BCAS3: variants seen among roughly 807,000 people sequenced by gnomAD.
The protein encoded by BCAS3 is BCAS4/BCAS3 fusion.
Under a neutral mutation model 116.1 loss-of-function variants are expected in BCAS3, and 53 were observed. That is an observed-to-expected ratio of 0.46 (90% CI 0.37 to 0.57). The LOEUF is 0.57. Ranked by LOEUF, BCAS3 falls within the 20% of genes least tolerant of loss-of-function variation. The pLI is 0.00. For missense variants in BCAS3, 917 were observed against 1,165.4 expected (o/e 0.79, Z 3.10); for synonymous variants, 391 against 408.2 (o/e 0.96, Z 0.51).
chr17:60,707,181 C>T (rs2037270642), intron 4 of BCAS3, among the ~76,000 whole-genome samples: 1 of 151,890 alleles, frequency 6.6e-6, no homozygotes, highest in East Asian at 1.9e-4. Flanking sequence ...TCAGTAGAGA[C>T]CGGGTTTCTC....
At chr17:60,701,914 CA>C (rs2036464987) in intron 4 of BCAS3, among the ~76,000 whole-genome samples, 2 of 151,908 alleles carry the variant, frequency 1.3e-5, no homozygotes, top group Admixed American at 6.6e-5. Flanking sequence ...GTGGAGGTTG[CA>C]GTGAGCCAAG....
At chr17:60,692,578 T>C (rs1568027266) in intron 4 of BCAS3, among the ~76,000 whole-genome samples, 1 of 149,344 alleles carries the variant, frequency 6.7e-6, no homozygotes, top group Non-Finnish European at 1.5e-5. Context: ...ATGTTGAATA[T>C]TGAAACAGGA....
chr17:60,910,200 A>G (rs1042035499), intron 11 of BCAS3, among the ~76,000 whole-genome samples: 1 of 152,236 alleles, frequency 6.6e-6, no homozygotes. Flanking sequence ...AGATGTATAC[A>G]TTAAGAGGAG....
At position 61,145,960 on chromosome 17, in the gene BCAS3, A is replaced by G. The variant is rs2077179619; in HGVS notation, c.2425+61396A>G. Among the ~76,000 whole-genome samples, 2 of 151,964 alleles carry G rather than the reference A, an allele frequency of 1.3e-5. No individual in the cohort carries two copies. The highest frequency in any genetic ancestry group is 4.1e-4 in the South Asian group (2 of 4,830). ...TTCCAAGATACTCCTGGAATCTGAG[A>G]TTACCTTTTATCCTCTTGATGGACC... On this transcript the variant is annotated intron_variant, in intron 22 of 23. Coordinates refer to ENST00000407086, the MANE Select transcript of BCAS3 (RefSeq NM_017679.5). This position sits in a 1 kb window ranked among gnomAD's most constrained non-coding sequence, Gnocchi z 5.0.
In BCAS3 at chr17:61,278,573, G is replaced by T. The variant is rs182913099; in HGVS notation, c.2426-89754G>T. Among the ~76,000 whole-genome samples, 1 of 152,318 alleles carries T rather than the reference G, an allele frequency of 6.6e-6. No homozygotes were observed. The highest frequency in any genetic ancestry group is 6.5e-5 in the Admixed American group (1 of 15,302). Reference sequence around the variant, plus strand: ...GTGGCATTATTCACTATAGCCCAAAGATGCCAGCACCCTAAGTATTCCAAC... The same window carrying T: ...GTGGCATTATTCACTATAGCCCAAATATGCCAGCACCCTAAGTATTCCAAC... On this transcript the variant is annotated intron_variant, in intron 22 of 23. Transcript: ENST00000407086. The surrounding 1 kb of genome is among the most constrained non-coding windows in gnomAD (Gnocchi z 5.8).
intron 22 of BCAS3, among the ~76,000 whole-genome samples, chr17:61,272,290 T>G (rs1291004046): frequency 6.6e-6 from 1 of 152,132 alleles, no homozygotes; most frequent in East Asian, 1.9e-4. Context: ...AATACTAGGT[T>G]GTTTTTTAGG....
chr17:61,042,376 G>C (rs1399297115), intron 19 of BCAS3, among the ~76,000 whole-genome samples: 4 of 151,928 alleles, frequency 2.6e-5, no homozygotes, highest in African/African-American at 9.7e-5. Context: ...TAGGGGAAAA[G>C]ATATAGCTAT....
At chr17:60,726,256 A>G (rs2039842712) in intron 5 of BCAS3, among the ~76,000 whole-genome samples, 1 of 135,228 alleles carries the variant, frequency 7.4e-6, no homozygotes, top group Admixed American at 7.8e-5. Context: ...GCTGGAGTGC[A>G]GTGGCACGAT....
At chr17:61,237,398 C>T (rs1486034925) in intron 22 of BCAS3, among the ~76,000 whole-genome samples, 1 of 152,184 alleles carries the variant, frequency 6.6e-6, no homozygotes, top group African/African-American at 2.4e-5. Flanking sequence ...TCTGATAGGA[C>T]AGAAACGGAA....
At chr17:60,868,730 C>A in intron 8 of BCAS3, 47 bp downstream of exon 8, 1 of 1,207,622 alleles carries the variant, frequency 8.3e-7, no homozygotes, top group Non-Finnish European at 1.2e-6. Flanking sequence ...GAAACATGCT[C>A]TCCTGGGCAT....
intron 22 of BCAS3, among the ~76,000 whole-genome samples, chr17:61,284,311 T>G (rs1349925403): frequency 6.6e-6 from 1 of 152,172 alleles, no homozygotes; most frequent in Non-Finnish European, 1.5e-5. Flanking sequence ...CAATAAATCT[T>G]GCTGCTGCTC....
intron 22 of BCAS3, among the ~76,000 whole-genome samples, chr17:61,331,668 A>G (rs2143118350): frequency 6.6e-6 from 1 of 152,284 alleles, no homozygotes; most frequent in Non-Finnish European, 1.5e-5. Flanking sequence ...AAATGGAAGG[A>G]AAAAAAGAAA....
intron 22 of BCAS3, among the ~76,000 whole-genome samples, chr17:61,297,920 G>A (rs544252573): frequency 6.6e-6 from 1 of 152,190 alleles, no homozygotes; most frequent in African/African-American, 2.4e-5. Context: ...AGTATCAAAC[G>A]ACTACCAATT....
At chr17:60,789,624 G>A (rs1221351956) in intron 6 of BCAS3, among the ~76,000 whole-genome samples, 1 of 152,088 alleles carries the variant, frequency 6.6e-6, no homozygotes, top group Non-Finnish European at 1.5e-5. Flanking sequence ...CAATCATCAT[G>A]GTACATTCTG....
chr17:61,234,983 G>A (rs1414769989), intron 22 of BCAS3, among the ~76,000 whole-genome samples: 1 of 152,072 alleles, frequency 6.6e-6, no homozygotes, highest in African/African-American at 2.4e-5. Context: ...CACCTCCTGG[G>A]TTCAAGCAAT....
At chr17:61,236,600 G>GT (rs2083082266) in intron 22 of BCAS3, among the ~76,000 whole-genome samples, 1 of 152,184 alleles carries the variant, frequency 6.6e-6, no homozygotes, top group African/African-American at 2.4e-5. Flanking sequence ...GATTACAGGC[G>GT]TGAGCCACCG....
At chr17:60,938,669 A>C (rs1189604631) in intron 13 of BCAS3, among the ~76,000 whole-genome samples, 1 of 152,174 alleles carries the variant, frequency 6.6e-6, no homozygotes, top group Non-Finnish European at 1.5e-5. Context: ...AATGTTAAAT[A>C]GTGAAAAGCC....
In BCAS3 at chr17:61,199,309, T is replaced by C. The variant is rs2080682572; in HGVS notation, c.2425+114745T>C. Among the ~76,000 whole-genome samples, 2 of 152,200 alleles carry C rather than the reference T, an allele frequency of 1.3e-5. No homozygotes were observed. Among genetic ancestry groups the C allele is most frequent in the East Asian group, 1.9e-4 (1 of 5,200 alleles). On this transcript the variant is annotated intron_variant, in intron 22 of 23. Transcript: ENST00000407086. This position sits in a 1 kb window ranked among gnomAD's most constrained non-coding sequence, Gnocchi z 4.6. ...TGCCAGCCAGCCTTACTCTTTCCTCTCTACACTGCCACAGCTACAACTGCT... is the reference window on the plus strand; with the variant it reads ...TGCCAGCCAGCCTTACTCTTTCCTCCCTACACTGCCACAGCTACAACTGCT...
In BCAS3 at chr17:60,910,722, C is replaced by G. The variant is rs776499166; in HGVS notation, c.993+20C>G. Reference sequence around the variant, plus strand: ...GGCCAGGTAAGAAGAACTTTTGGTGCGTACCATGTGTGTTACTTGCAAAGA... The same window carrying G: ...GGCCAGGTAAGAAGAACTTTTGGTGGGTACCATGTGTGTTACTTGCAAAGA... On this transcript the variant is annotated intron_variant, in intron 12 of 23. Coordinates refer to ENST00000407086, the MANE Select transcript of BCAS3 (RefSeq NM_017679.5). 1.9e-6 allele frequency: 3 copies of G among 1,588,204 alleles called. No homozygotes were observed. The highest frequency in any genetic ancestry group is 2.6e-6 in the Non-Finnish European group (3 of 1,166,546).
Sources: allele counts gnomAD v4.1 joint callset (sites outside exome capture counted in the v4.1 genomes callset), GRCh38; gene constraint gnomAD v4.1.1; non-coding constraint Gnocchi (gnomAD v3.1); transcripts MANE v1.5; gene names NCBI Gene and HGNC (gene_info 2026-07-23, HGNC 2026-07-21).